The following GXYLT1 variants were observed in gnomAD, a reference collection of about 807,000 sequenced individuals.
GXYLT1 encodes glucoside xylosyltransferase 1.
GXYLT1 carries 29 observed loss-of-function variants against 54.0 expected under a neutral mutation model. That is an observed-to-expected ratio of 0.54 (90% CI 0.40 to 0.73). The LOEUF (loss-of-function observed/expected upper bound fraction) is 0.73. Ranked by LOEUF, GXYLT1 falls within the 30% of genes least tolerant of loss-of-function variation. The pLI, the probability that GXYLT1 is intolerant of heterozygous loss-of-function variation, is 0.00. For missense variants in GXYLT1, 490 were observed against 553.4 expected, an observed-to-expected ratio of 0.89 and a Z score of 1.15; for synonymous variants, 176 against 204.1, an observed-to-expected ratio of 0.86 and a Z score of 1.17.
intron 3 of GXYLT1, among the ~76,000 whole-genome samples, chr12:42,112,455 A>T (rs1565572921): frequency 6.6e-6 from 1 of 152,238 alleles, no homozygotes; most frequent in Non-Finnish European, 1.5e-5. Context: ...AAAGGACCTG[A>T]TGGAGCTGAA....
chr12:42,136,715 T>C (rs1318974162), intron 1 of GXYLT1, among the ~76,000 whole-genome samples: 1 of 151,800 alleles, frequency 6.6e-6, no homozygotes, highest in Non-Finnish European at 1.5e-5. Flanking sequence ...TTTGTCAAAC[T>C]TGAAGTTTAC....
rs570626726 is a variant in GXYLT1, at chr12:42,116,714, T to C, written c.486+2286A>G. Among the ~76,000 whole-genome samples the C allele has an allele frequency of 2.6e-5, 4 of 152,276 alleles. No homozygotes were observed. In the East Asian group the frequency reaches 5.8e-4, roughly 22 times the overall value. ...ACTAGTTCAGCCATTGTGGAAGTCA[T>C]TGTGGTGATTCCTCAGGGATCTAGA... On this transcript the variant is annotated intron_variant, in intron 3 of 7. Transcript: ENST00000398675.
At chr12:42,108,664 C>A (rs1183539567) in intron 4 of GXYLT1, among the ~76,000 whole-genome samples, 1 of 152,132 alleles carries the variant, frequency 6.6e-6, no homozygotes, top group Non-Finnish European at 1.5e-5. Flanking sequence ...AACAAACATA[C>A]TGGTTAGACT....
At chr12:42,105,722 T>C (rs2065415175) in intron 5 of GXYLT1, 96 bp downstream of exon 5, 1 of 778,096 alleles carries the variant, frequency 1.3e-6, no homozygotes, top group Admixed American at 2.9e-5. Context: ...AAATTATTTA[T>C]AGTTCAATTT....
chr12:42,143,670 C>A (rs1329957836), intron 1 of GXYLT1, among the ~76,000 whole-genome samples: 1 of 152,168 alleles, frequency 6.6e-6, no homozygotes, highest in Non-Finnish European at 1.5e-5. Context: ...ATTCATAATG[C>A]GTTGACAGAA....
chr12:42,139,203 T>C (rs1428596896), intron 1 of GXYLT1, among the ~76,000 whole-genome samples: 1 of 143,192 alleles, frequency 7.0e-6, no homozygotes, highest in African/African-American at 2.5e-5. Context: ...GTCTCAGAAA[T>C]AAAAAAAAAA....
At chr12:42,139,986 CCTGG>C (rs2065642273) in intron 1 of GXYLT1, among the ~76,000 whole-genome samples, 1 of 151,918 alleles carries the variant, frequency 6.6e-6, no homozygotes, top group South Asian at 2.1e-4. Flanking sequence ...TGGAGACCAT[CCTGG>C]CTAACATGGT....
chr12:42,107,929 T>C lies in GXYLT1; in HGVS notation c.612+1637A>G, dbSNP rs1386336500. On this transcript the variant is annotated intron_variant, in intron 4 of 7. Coordinates refer to ENST00000398675, the MANE Select transcript of GXYLT1 (RefSeq NM_173601.2). ...TGGTTAAATCATAATCACCTATGTA[T>C]AGTTCTGATTCCTTTCAGTTGAAAA... Among the ~76,000 whole-genome samples, 4 of 152,222 alleles carry C rather than the reference T, an allele frequency of 2.6e-5. No individual in the cohort carries two copies. The South Asian group carries it at 6.2e-4, about 24-fold the overall frequency.
Position 42,144,706 on chromosome 12 carries a change from G to A in GXYLT1, c.-60C>T. The A allele has an allele frequency of 4.3e-6, 5 of 1,150,740 alleles. No individual in the cohort carries two copies. Among genetic ancestry groups the A allele is most frequent in the Non-Finnish European group, 5.8e-6 (5 of 868,710 alleles). The allele number at this position is 1,150,740 out of a possible 1,614,324, so 71.3% of individuals were successfully genotyped here. A position where few individuals can be genotyped will look rare whatever the true frequency, so the allele number is the denominator to read the frequency against. Reference sequence around the variant, plus strand: ...CGCGCCCGCCCCGACGAACTGGAGCGGAGGGAGGGGCACCGCGCAGCCGCG... The same window carrying A: ...CGCGCCCGCCCCGACGAACTGGAGCAGAGGGAGGGGCACCGCGCAGCCGCG... On this transcript the variant is annotated 5_prime_UTR_variant, in exon 1 of 8. Coordinates refer to ENST00000398675, the MANE Select transcript of GXYLT1 (RefSeq NM_173601.2).
chr12:42,131,962 G>A (rs973616991), intron 1 of GXYLT1, among the ~76,000 whole-genome samples: 1 of 152,096 alleles, frequency 6.6e-6, no homozygotes, highest in Non-Finnish European at 1.5e-5. Flanking sequence ...TTTGTTCTAC[G>A]AAGACGATAA....
chr12:42,118,610 A>T (rs1399108089), intron 3 of GXYLT1, among the ~76,000 whole-genome samples: 1 of 152,142 alleles, frequency 6.6e-6, no homozygotes, highest in East Asian at 1.9e-4. Context: ...CTCAAATCTC[A>T]TCTCAAATTG....
chr12:42,105,979 T>C lies in GXYLT1; in HGVS notation c.703A>G (p.Lys235Glu). 2.5e-6 allele frequency: 4 copies of C among 1,614,014 alleles called. No homozygotes were observed. The highest frequency in any genetic ancestry group is 3.4e-6 in the Non-Finnish European group (4 of 1,179,874). ...GCAGCAATTTGTGTGGAATTAAATT[T>C]CTTTAGTAAAGACCAAATATCATCA... ...PVDDIWSLLKKFNSTQIAAMA... is the reference protein window; with the variant it reads ...PVDDIWSLLKEFNSTQIAAMA... Residue 235 changes from lysine (K) to glutamate (E), a missense_variant, in exon 5 of 8, where the codon AAA (lysine) becomes GAA (glutamate). Around this residue, in one of 2 missense-constraint regions of GXYLT1, gnomAD observed 342 missense variants for 342.6 expected, o/e 1.00. Coordinates refer to ENST00000398675, the MANE Select transcript of GXYLT1 (RefSeq NM_173601.2).
chr12:42,114,315 A>G (rs2065478699), intron 3 of GXYLT1, among the ~76,000 whole-genome samples: 1 of 152,106 alleles, frequency 6.6e-6, no homozygotes, highest in South Asian at 2.1e-4. Context: ...CACAAAAAAC[A>G]CGTCAAAAGA....
chr12:42,102,553 TA>T (rs1320993240), intron 5 of GXYLT1, among the ~76,000 whole-genome samples: 2 of 152,126 alleles, frequency 1.3e-5, no homozygotes, highest in Non-Finnish European at 2.9e-5. Flanking sequence ...TAAAGCTGTA[TA>T]AAAGACACAT....
Position 42,102,973 on chromosome 12 carries a change from G to A in GXYLT1, c.864+2845C>T, listed in dbSNP as rs1472253675. ...TTAATTTTTTTTTTCTTTTGAGACA[G>A]AGTCTCACTCACATTGTCACTCTGT... On this transcript the variant is annotated intron_variant, in intron 5 of 7. Coordinates refer to ENST00000398675, the MANE Select transcript of GXYLT1 (RefSeq NM_173601.2). Among the ~76,000 whole-genome samples, 3 of 150,596 alleles carry A rather than the reference G, an allele frequency of 2.0e-5. No individual in the cohort carries two copies. The South Asian group carries it at 6.3e-4, about 32-fold the overall frequency.
chr12:42,114,740 A>C (rs1016250866), intron 3 of GXYLT1, among the ~76,000 whole-genome samples: 23 of 152,330 alleles, frequency 1.5e-4, no homozygotes, highest in South Asian at 4.1e-4. Context: ...AAACTATTCC[A>C]ATCAATAGAA....
chr12:42,104,255 A>ATTT (rs11390703), intron 5 of GXYLT1, among the ~76,000 whole-genome samples: 6 of 149,066 alleles, frequency 4.0e-5, no homozygotes, highest in South Asian at 2.1e-4. Flanking sequence ...GAGAAGTCAC[A>ATTT]TTTTTTTTTT....
At chr12:42,119,975 C>T (rs1406607533) in intron 2 of GXYLT1, among the ~76,000 whole-genome samples, 1 of 152,060 alleles carries the variant, frequency 6.6e-6, no homozygotes, top group Non-Finnish European at 1.5e-5. Flanking sequence ...TCAATTCTCC[C>T]AAGAATACAT....
At chr12:42,128,488 C>A (rs1304713051) in intron 2 of GXYLT1, among the ~76,000 whole-genome samples, 1 of 152,268 alleles carries the variant, frequency 6.6e-6, no homozygotes, top group South Asian at 2.1e-4. Context: ...AGATCATCAT[C>A]TGGTCACTCC....
Sources: allele counts gnomAD v4.1 joint callset (sites outside exome capture counted in the v4.1 genomes callset), GRCh38; gene constraint gnomAD v4.1.1; regional missense constraint gnomAD v4.1.1; transcripts MANE v1.5; gene names NCBI Gene and HGNC (gene_info 2026-07-23, HGNC 2026-07-21).